The following ARFGEF2 variants were observed in gnomAD, a reference collection of about 807,000 sequenced individuals.
The protein encoded by ARFGEF2 is brefeldin A-inhibited guanine nucleotide-exchange protein 2.
A neutral mutation model predicts 219.9 loss-of-function variants in ARFGEF2; 74 were observed. The observed-to-expected ratio is 0.34, with a 90% CI of 0.28 to 0.41. ARFGEF2 has a LOEUF of 0.41. ARFGEF2 is among the 10% of genes least tolerant of loss of function. ARFGEF2 has a pLI of 1.00. For missense variants in ARFGEF2, 1,743 were observed against 2,218.3 expected (o/e 0.79, Z 4.30); for synonymous variants, 733 against 799.2 (o/e 0.92, Z 1.40).
chr20:49,008,007 G>A (rs932472689), intron 26 of ARFGEF2, among the ~76,000 whole-genome samples: 3 of 152,112 alleles, frequency 2.0e-5, no homozygotes, highest in Admixed American at 6.6e-5. Flanking sequence ...CTCAGATACT[G>A]TTGGTGGAAC....
In ARFGEF2 at chr20:48,951,416, A is replaced by G. The variant is rs1162667125; in HGVS notation, c.370A>G (p.Ser124Gly). 1.9e-6 allele frequency: 3 copies of G among 1,614,120 alleles called. No homozygotes were observed. The highest frequency in any genetic ancestry group is 2.5e-6 in the Non-Finnish European group (3 of 1,180,054). ...CGACAGAATTGTTGAAACCATTTGC[A>G]GTTGTTTTCAGGGCCCTCAGACTGA... is the stretch of plus-strand genomic sequence containing the variant. ...LIDRIVETIC[S>G]CFQGPQTDEG... The change falls in exon 4 of 39, where the codon AGT becomes GGT. Residue 124 changes from serine to glycine, a missense_variant. Transcript: ENST00000371917.
rs1600545809 is a variant in ARFGEF2, at chr20:49,013,462, G to A, written c.3919-102G>A. ...GTACCCTTGCTGAATGGAGATTTTT[G>A]GGAGAGAAAAATGTGTGGGGCCTTA... On this transcript the variant is annotated intron_variant, in intron 28 of 38. Coordinates refer to ENST00000371917, the MANE Select transcript of ARFGEF2 (RefSeq NM_006420.3). The A allele has an allele frequency of 3.4e-6, 5 of 1,471,806 alleles. No individual in the cohort carries two copies. In the East Asian group the frequency reaches 1.1e-4, roughly 34 times the overall value. 91.2% of individuals were successfully genotyped at this position (1,471,806 alleles called of 1,614,324 possible).
At chr20:49,005,349 C>A in intron 26 of ARFGEF2, 128 bp downstream of exon 26, 2 of 1,128,720 alleles carry the variant, frequency 1.8e-6, no homozygotes, top group Non-Finnish European at 2.6e-6. Flanking sequence ...AATGAATAGA[C>A]TGTGATTCAC....
chr20:49,005,587 A>C (rs1170835652), intron 26 of ARFGEF2, among the ~76,000 whole-genome samples: 2 of 151,610 alleles, frequency 1.3e-5, no homozygotes, highest in Admixed American at 6.6e-5. Context: ...AAATACAAAA[A>C]ATTAGCCGGG....
intron 36 of ARFGEF2, among the ~76,000 whole-genome samples, chr20:49,026,110 G>A (rs778507734): frequency 7.1e-4 from 108 of 151,382 alleles, no homozygotes; most frequent in Non-Finnish European, 1.3e-3. Flanking sequence ...TAAGGCAGGC[G>A]GATTGCTTGA....
chr20:48,958,631 A>G (rs1310004275), intron 6 of ARFGEF2, among the ~76,000 whole-genome samples: 1 of 151,216 alleles, frequency 6.6e-6, no homozygotes, highest in Non-Finnish European at 1.5e-5. Flanking sequence ...TTTAGTAGAG[A>G]TGGTGTTTCA....
At chr20:49,014,514 A>G (rs1481956625) in intron 30 of ARFGEF2, among the ~76,000 whole-genome samples, 1 of 152,220 alleles carries the variant, frequency 6.6e-6, no homozygotes, top group Non-Finnish European at 1.5e-5. Context: ...ACCGCAACAT[A>G]AAAGTGACAT....
At position 49,032,031 on chromosome 20, in the gene ARFGEF2, CCT is replaced by C. The variant is rs1421049221; in HGVS notation, c.5064-13_5064-12del. 2.6e-6 allele frequency: 4 copies of C among 1,545,128 alleles called. No individual in the cohort carries two copies. The highest frequency in any genetic ancestry group is 2.2e-5 in the East Asian group (1 of 44,586). ...TAATCAATTGTTTGATATGCCTCCCCCTCTCTAATTCTTCTAGTGTTTGCAGT... is the reference window on the plus strand; with the variant it reads ...TAATCAATTGTTTGATATGCCTCCCCCTCTAATTCTTCTAGTGTTTGCAGT... On this transcript the variant is annotated splice_polypyrimidine_tract_variant and intron_variant, in intron 37 of 38. Transcript: ENST00000371917.
intron 25 of ARFGEF2, among the ~76,000 whole-genome samples, chr20:49,003,075 C>T (rs1370064042): frequency 6.7e-6 from 1 of 149,534 alleles, no homozygotes; most frequent in Non-Finnish European, 1.5e-5. Flanking sequence ...TCAGGCAATT[C>T]TCCTGCCTCA....
intron 33 of ARFGEF2, among the ~76,000 whole-genome samples, chr20:49,017,825 T>A (rs1823109494): frequency 6.6e-6 from 1 of 152,204 alleles, no homozygotes; most frequent in Non-Finnish European, 1.5e-5. Context: ...AAATGAGGGA[T>A]CAGTTAGCAT....
intron 1 of ARFGEF2, among the ~76,000 whole-genome samples, chr20:48,936,572 T>A (rs915155133): frequency 9.9e-5 from 15 of 152,120 alleles, no homozygotes; most frequent in African/African-American, 2.9e-4. Context: ...TTGCCCAGGC[T>A]GGAGTGCATT....
At chr20:48,950,809 AAAATATATATAT>A (rs1237943740) in intron 3 of ARFGEF2, among the ~76,000 whole-genome samples, 66 of 41,148 alleles carry the variant, frequency 1.6e-3, no homozygotes, top group African/African-American at 4.8e-3. Flanking sequence ...AAAAAAAAAA[AAAATATATATAT>A]ATATATATAT....
chr20:48,998,573 A>C, intron 25 of ARFGEF2, 68 bp downstream of exon 25: 1 of 1,534,066 alleles, frequency 6.5e-7, no homozygotes, highest in Non-Finnish European at 8.9e-7. Flanking sequence ...AATTCAAAAA[A>C]AGAAGTGATA....
chr20:48,922,193 C>G (rs1203599492), intron 1 of ARFGEF2, among the ~76,000 whole-genome samples, 183 bp downstream of exon 1: 1 of 152,240 alleles, frequency 6.6e-6, no homozygotes, highest in Non-Finnish European at 1.5e-5. Context: ...GGGACTGGCC[C>G]AAGGTCACCT....
intron 1 of ARFGEF2, among the ~76,000 whole-genome samples, chr20:48,934,921 A>G (rs976613923): frequency 1.3e-5 from 2 of 152,118 alleles, no homozygotes; most frequent in Non-Finnish European, 2.9e-5. Flanking sequence ...ATCCTTGAGG[A>G]ATCGCCACAC....
intron 23 of ARFGEF2, among the ~76,000 whole-genome samples, chr20:48,996,455 C>CAA (rs59802794): frequency 3.5e-4 from 44 of 127,002 alleles, no homozygotes; most frequent in East Asian, 1.1e-3. Context: ...ACTCCATCTG[C>CAA]AAAAAAAAAA....
chr20:48,984,658 T>C, intron 14 of ARFGEF2, 71 bp from the exon 15 acceptor site: 1 of 1,576,642 alleles, frequency 6.3e-7, no homozygotes, highest in Non-Finnish European at 8.7e-7. Flanking sequence ...ATTATTTATC[T>C]CAAATACCAG....
At chr20:48,952,639 T>C in intron 4 of ARFGEF2, 66 bp from the exon 5 acceptor site, 1 of 1,496,190 alleles carries the variant, frequency 6.7e-7, no homozygotes. Context: ...TAGAAAAGTG[T>C]GGCCATAGGA....
At chr20:49,005,980 T>C (rs960143011) in intron 26 of ARFGEF2, among the ~76,000 whole-genome samples, 2 of 151,926 alleles carry the variant, frequency 1.3e-5, no homozygotes, top group Admixed American at 1.3e-4. Flanking sequence ...ATCTGCTAGG[T>C]ACTATAAAGA....
Sources: gnomAD v4.1 joint callset for allele counts (sites outside exome capture counted in the v4.1 genomes callset) on GRCh38, gnomAD v4.1.1 for gene constraint, MANE v1.5 for transcripts, NCBI Gene and HGNC (gene_info 2026-07-23, HGNC 2026-07-21) for gene names.